MTAP: variants seen among roughly 807,000 people sequenced by gnomAD.
MTAP encodes methylthioadenosine phosphorylase.
MTAP carries 33 observed loss-of-function variants against 33.6 expected under a neutral mutation model. The observed-to-expected ratio is 0.98, with a 90% CI of 0.74 to 1.31. The LOEUF (loss-of-function observed/expected upper bound fraction) is 1.31, where lower values mean the gene tolerates loss of function less well. Ranked by LOEUF, MTAP falls within the 40% of genes most tolerant of loss-of-function variation. The pLI is 0.00. For synonymous variants in MTAP, 148 were observed against 125.7 expected (o/e 1.18, Z -1.19); for missense variants, 367 against 360.0 (o/e 1.02, Z -0.16).
chr9:21,852,506 T>G (rs1304597501), intron 5 of MTAP, among the ~76,000 whole-genome samples: 24 of 100,876 alleles, frequency 2.4e-4, no homozygotes, highest in Admixed American at 8.0e-4. Flanking sequence ...TGAGACTCCA[T>G]CTCAAAAAAA....
chr9:21,922,100 G>C lies in MTAP; in HGVS notation c.148-8908G>C, dbSNP rs967089817. Among the ~76,000 whole-genome samples, 11 of 152,102 alleles carry C rather than the reference G, an allele frequency of 7.2e-5. No individual in the cohort carries two copies. Among genetic ancestry groups the C allele is most frequent in the African/African-American group, 2.4e-4 (10 of 41,418 alleles). On this transcript the variant is annotated intron_variant, in intron 1 of 1. Coordinates refer to the MTAP transcript ENST00000577563. The surrounding 1 kb of genome is among the most constrained non-coding windows in gnomAD (Gnocchi z 4.8). ...GTGGCCAACAGCTTCCCAATAAGGA[G>C]CTGAGCAAGCAGTCTCAAGCATGCA...
intron 1 of MTAP, among the ~76,000 whole-genome samples, chr9:21,877,046 T>C (rs890015058): frequency 4.7e-5 from 7 of 150,192 alleles, no homozygotes; most frequent in African/African-American, 7.6e-5. Flanking sequence ...GAGCATTGTT[T>C]TGTAATTCTC....
chr9:21,917,444 A>T (rs990199438), intron 1 of MTAP, among the ~76,000 whole-genome samples: 3 of 152,196 alleles, frequency 2.0e-5, no homozygotes, highest in Non-Finnish European at 4.4e-5. Context: ...TCAGCAAAGG[A>T]GACTAGAAGG....
chr9:21,859,500 T>G (rs1825710467), intron 7 of MTAP, 75 bp downstream of exon 7: 2 of 1,490,150 alleles, frequency 1.3e-6, no homozygotes, highest in Non-Finnish European at 1.8e-6. Context: ...GCATTTCACC[T>G]TTGGTCCTCA....
chr9:21,862,029 C>T lies in MTAP; in HGVS notation c.*15C>T, dbSNP rs754086497. On this transcript the variant is annotated 3_prime_UTR_variant, in exon 8 of 8. Coordinates refer to ENST00000644715, the MANE Select transcript of MTAP (RefSeq NM_002451.4). The stretch of plus-strand genomic sequence containing the variant: ...CAAGACATTAAAGTAGCATGGCTGC[C>T]CAGGAGAAAAGAAGACATTCTAATT... The T allele has an allele frequency of 2.5e-6, 4 of 1,612,016 alleles. No individual in the cohort carries two copies. Among genetic ancestry groups the T allele is most frequent in the Middle Eastern group, 1.7e-4 (1 of 6,050 alleles).
intron 1 of MTAP, among the ~76,000 whole-genome samples, chr9:21,884,107 A>G (rs1563858998): frequency 6.6e-6 from 1 of 152,164 alleles, no homozygotes; most frequent in African/African-American, 2.4e-5. Flanking sequence ...AGTTAACATA[A>G]TGCTCACTTT....
intron 5 of MTAP, among the ~76,000 whole-genome samples, chr9:21,847,168 A>T (rs541023994): frequency 6.6e-6 from 1 of 152,194 alleles, no homozygotes; most frequent in Non-Finnish European, 1.5e-5. Flanking sequence ...TCAGACTGCA[A>T]GTTCTTCATT....
intron 1 of MTAP, among the ~76,000 whole-genome samples, chr9:21,898,100 T>C (rs554337495): frequency 6.6e-6 from 1 of 152,196 alleles, no homozygotes; most frequent in African/African-American, 2.4e-5. Context: ...CATCTGATCT[T>C]TGACAAACCT....
downstream of MTAP, among the ~76,000 whole-genome samples, chr9:21,868,528 CAGG>C (rs1563854026): frequency 6.6e-6 from 1 of 152,170 alleles, no homozygotes; most frequent in African/African-American, 2.4e-5. Flanking sequence ...TTTGTAAAGG[CAGG>C]AGTTGTTTTT....
chr9:21,832,360 A>T (rs1022609471), intron 4 of MTAP, among the ~76,000 whole-genome samples: 1 of 152,172 alleles, frequency 6.6e-6, no homozygotes, highest in Admixed American at 6.5e-5. Context: ...CTGCCTCTTG[A>T]TGACTAGAAA....
At chr9:21,874,431 C>G (rs981762443) in intron 1 of MTAP, among the ~76,000 whole-genome samples, 1 of 152,122 alleles carries the variant, frequency 6.6e-6, no homozygotes, top group African/African-American at 2.4e-5. Context: ...CAAGTAAAGT[C>G]TATACATTGC....
chr9:21,885,779 G>GGTGTGTGTGTGTGT (rs34691018), intron 1 of MTAP, among the ~76,000 whole-genome samples: 6 of 144,348 alleles, frequency 4.2e-5, no homozygotes, highest in East Asian at 2.1e-4. Context: ...AGTATTACAT[G>GGTGTGTGTGTGTGT]GTGTGTGTGT....
intron 4 of MTAP, among the ~76,000 whole-genome samples, chr9:21,833,986 T>G (rs1825038105): frequency 6.6e-6 from 1 of 152,224 alleles, no homozygotes; most frequent in South Asian, 2.1e-4. Context: ...TCTCCTTTAC[T>G]TTTCCATAGG....
Position 21,865,656 on chromosome 9 carries a change from G to A in MTAP, c.*3642G>A, listed in dbSNP as rs549991029. On this transcript the variant is annotated 3_prime_UTR_variant, in exon 8 of 8. Transcript: ENST00000644715. ...AAGAAAAGAAGGAATGCCAAAGATC[G>A]AGGAAATCTACCAAGACTAGTAGGG... 570 of 1,001,722 alleles carry A rather than the reference G, an allele frequency of 5.7e-4. No individual in the cohort carries two copies. The highest frequency in any genetic ancestry group is 6.4e-4 in the Non-Finnish European group (536 of 838,366). The allele number at this position is 1,001,722 out of a possible 1,614,324, so 62.1% of individuals were successfully genotyped here.
chr9:21,815,311 A>G (rs1392903809), intron 1 of MTAP, 122 bp from the exon 2 acceptor site: 4 of 632,730 alleles, frequency 6.3e-6, no homozygotes, highest in Non-Finnish European at 1.0e-5. Flanking sequence ...TCAGATTTCA[A>G]AAAAATAACT....
At chr9:21,844,543 G>A (rs1378866333) in intron 5 of MTAP, among the ~76,000 whole-genome samples, 1 of 152,152 alleles carries the variant, frequency 6.6e-6, no homozygotes, top group Admixed American at 6.5e-5. Context: ...GGTCAAGTGG[G>A]TTTCATACCA....
chr9:21,810,546 A>G (rs900776909), intron 1 of MTAP, among the ~76,000 whole-genome samples: 1 of 152,134 alleles, frequency 6.6e-6, no homozygotes, highest in Non-Finnish European at 1.5e-5. Context: ...GTGGATTATT[A>G]CCATGGCTCA....
At chr9:21,816,963 C>G (rs1014403088) in intron 3 of MTAP, among the ~76,000 whole-genome samples, 191 bp downstream of exon 3, 1 of 152,214 alleles carries the variant, frequency 6.6e-6, no homozygotes, top group Admixed American at 6.5e-5. Flanking sequence ...AGATCTCATG[C>G]TCTTGCCCCT....
At chr9:21,870,923 A>G (rs1825926141), downstream of MTAP, among the ~76,000 whole-genome samples, 1 of 151,704 alleles carries the variant, frequency 6.6e-6, no homozygotes, top group Admixed American at 6.6e-5. Flanking sequence ...GGTGCCTGCC[A>G]CCATGCCCAG....
Sources: gnomAD v4.1 joint callset for allele counts (sites outside exome capture counted in the v4.1 genomes callset) on GRCh38, gnomAD v4.1.1 for gene constraint, Gnocchi (gnomAD v3.1) non-coding constraint, MANE v1.5 for transcripts, NCBI Gene and HGNC (gene_info 2026-07-23, HGNC 2026-07-21) for gene names.